The following RAD51B variants were observed in gnomAD, a reference collection of about 807,000 sequenced individuals.
The protein encoded by RAD51B is DNA repair protein RAD51 homolog 2.
RAD51B carries 38 observed loss-of-function variants against 42.2 expected under a neutral mutation model. The ratio of observed to expected loss-of-function variants is 0.90; its 90% confidence interval spans 0.70 to 1.18. The LOEUF (loss-of-function observed/expected upper bound fraction) is 1.18. RAD51B is among the 50% of genes most tolerant of loss of function. The probability of loss-of-function intolerance (pLI) is 0.00; values close to 1 mark genes in which losing one functional copy is unlikely to be tolerated. For synonymous variants in RAD51B, 154 were observed against 145.2 expected, an observed-to-expected ratio of 1.06 and a Z score of -0.43; for missense variants, 373 against 400.7, an observed-to-expected ratio of 0.93 and a Z score of 0.59.
intron 9 of RAD51B, among the ~76,000 whole-genome samples, chr14:68,467,792 G>A (rs1487342208): frequency 6.6e-6 from 1 of 152,226 alleles, no homozygotes; most frequent in African/African-American, 2.4e-5. Flanking sequence ...ATCTTTTAAA[G>A]GTAGCTTTGA....
intron 7 of RAD51B, among the ~76,000 whole-genome samples, chr14:67,939,702 T>C (rs1196919168): frequency 6.6e-6 from 1 of 152,060 alleles, no homozygotes; most frequent in African/African-American, 2.4e-5. Flanking sequence ...GGTGGAAGCA[T>C]GGTTGGGTGC....
chr14:68,516,404 A>T (rs1211983572), intron 10 of RAD51B, among the ~76,000 whole-genome samples: 1 of 152,196 alleles, frequency 6.6e-6, no homozygotes. Context: ...AAATCTCTTG[A>T]CTGTCCGGCT....
chr14:67,934,954 A>G (rs2044882378), intron 7 of RAD51B, among the ~76,000 whole-genome samples: 1 of 151,682 alleles, frequency 6.6e-6, no homozygotes, highest in African/African-American at 2.4e-5. Flanking sequence ...ACAGCACCAT[A>G]CTCTCCTCTG....
intron 7 of RAD51B, among the ~76,000 whole-genome samples, chr14:68,080,874 G>GA (rs2076902537): frequency 6.6e-6 from 1 of 152,098 alleles, no homozygotes; most frequent in African/African-American, 2.4e-5. Flanking sequence ...TTCAACATAA[G>GA]AAAAAATAGA....
chr14:68,196,413 C>G (rs79625170), intron 7 of RAD51B, among the ~76,000 whole-genome samples: 3,087 of 152,042 alleles, frequency 0.02, 94 homozygotes, highest in African/African-American at 0.065. Context: ...CATTGTATGG[C>G]CTACAAAGTC....
At chr14:67,946,995 A>G (rs1261367125) in intron 7 of RAD51B, among the ~76,000 whole-genome samples, 2 of 152,234 alleles carry the variant, frequency 1.3e-5, no homozygotes, top group African/African-American at 2.4e-5. Flanking sequence ...ATTTGATAAA[A>G]TAGTAATCTT....
intron 9 of RAD51B, among the ~76,000 whole-genome samples, chr14:68,431,603 T>G (rs1242633100): frequency 6.6e-6 from 1 of 152,208 alleles, no homozygotes; most frequent in Non-Finnish European, 1.5e-5. Flanking sequence ...TGATATCCCC[T>G]TTATCATTTT....
In RAD51B at chr14:68,243,167, C is replaced by T. The variant is rs117331542; in HGVS notation, c.757-48717C>T. Among the ~76,000 whole-genome samples the T allele has an allele frequency of 8.1e-3, 1,240 of 152,254 alleles. 5 individuals carry two copies. Among genetic ancestry groups the T allele is most frequent in the Non-Finnish European group, 0.011 (732 of 68,026 alleles). On this transcript the variant is annotated intron_variant, in intron 7 of 10. Coordinates refer to ENST00000471583, the MANE Select transcript of RAD51B (RefSeq NM_133510.4). ...TTAAAACAGAAATTTTAAAGGAAATCGATACCCGTTGCCTTCAGATTGCTC... is the reference window on the plus strand; with the variant it reads ...TTAAAACAGAAATTTTAAAGGAAATTGATACCCGTTGCCTTCAGATTGCTC...
intron 7 of RAD51B, among the ~76,000 whole-genome samples, chr14:68,014,035 A>G (rs1373688595): frequency 6.6e-6 from 1 of 152,134 alleles, no homozygotes; most frequent in African/African-American, 2.4e-5. Context: ...TCTTGTTGTG[A>G]TAATATTACC....
intron 5 of RAD51B, among the ~76,000 whole-genome samples, chr14:67,882,043 G>A (rs2042923618): frequency 6.6e-6 from 1 of 152,132 alleles, no homozygotes; most frequent in Non-Finnish European, 1.5e-5. Context: ...TGCTATCATG[G>A]TTCACTGCAG....
chr14:67,936,139 G>T (rs1241120187), intron 7 of RAD51B, among the ~76,000 whole-genome samples: 1 of 151,966 alleles, frequency 6.6e-6, no homozygotes, highest in Non-Finnish European at 1.5e-5. Flanking sequence ...ACAATATAGG[G>T]TTCTTTTTTT....
chr14:68,081,947 ATTTCTTTTTTCTT>A (rs2076918717), intron 7 of RAD51B, among the ~76,000 whole-genome samples: 1 of 151,926 alleles, frequency 6.6e-6, no homozygotes, highest in Non-Finnish European at 1.5e-5. Context: ...GGCAAATAAT[ATTTCTTTTTTCTT>A]TTTCTTTTTC....
intron 10 of RAD51B, among the ~76,000 whole-genome samples, chr14:68,488,668 C>T (rs774601149): frequency 6.6e-6 from 1 of 152,230 alleles, no homozygotes; most frequent in Non-Finnish European, 1.5e-5. Context: ...TTTTCATCCA[C>T]TGACATCCAC....
At chr14:68,461,684 A>G (rs1009330191) in intron 9 of RAD51B, among the ~76,000 whole-genome samples, 1 of 152,170 alleles carries the variant, frequency 6.6e-6, no homozygotes, top group African/African-American at 2.4e-5. Context: ...AGAGTCTTAT[A>G]TTACAATGCA....
chr14:67,963,107 G>T (rs980553357), intron 7 of RAD51B, among the ~76,000 whole-genome samples: 4 of 152,032 alleles, frequency 2.6e-5, no homozygotes, highest in Non-Finnish European at 5.9e-5. Context: ...TCTGTTAATT[G>T]CAGGTAAAAT....
chr14:68,156,599 T>G (rs1421570423), intron 7 of RAD51B, among the ~76,000 whole-genome samples: 1 of 151,932 alleles, frequency 6.6e-6, no homozygotes, highest in African/African-American at 2.4e-5. Context: ...TTTAAAAAAT[T>G]TCTATGTTTA....
At chr14:68,010,027 A>G (rs2075657414) in intron 7 of RAD51B, among the ~76,000 whole-genome samples, 1 of 151,860 alleles carries the variant, frequency 6.6e-6, no homozygotes, top group Admixed American at 6.6e-5. Context: ...TTTGTGAACA[A>G]TTGAGTAGTT....
chr14:68,064,387 G>A (rs1254719714), intron 7 of RAD51B, among the ~76,000 whole-genome samples: 2 of 151,966 alleles, frequency 1.3e-5, no homozygotes, highest in Admixed American at 6.6e-5. Flanking sequence ...TTCTTTCTTT[G>A]TCTTTGACTT....
chr14:68,607,706 G>A (rs910436279), intron 10 of RAD51B, among the ~76,000 whole-genome samples: 1 of 152,196 alleles, frequency 6.6e-6, no homozygotes, highest in Non-Finnish European at 1.5e-5. Context: ...CTCTTCTGCT[G>A]TGGACAGATA....
Sources: allele counts gnomAD v4.1 joint callset (sites outside exome capture counted in the v4.1 genomes callset), GRCh38; gene constraint gnomAD v4.1.1; transcripts MANE v1.5; gene names NCBI Gene and HGNC (gene_info 2026-07-23, HGNC 2026-07-21).